The following MYT1L variants were observed in gnomAD, a reference collection of about 807,000 sequenced individuals.
The protein encoded by MYT1L is myelin transcription factor 1-like protein.
MYT1L carries 12 observed loss-of-function variants against 126.7 expected under a neutral mutation model. The ratio of observed to expected loss-of-function variants is 0.09; its 90% CI spans 0.06 to 0.15. The LOEUF (loss-of-function observed/expected upper bound fraction) is 0.15. Among genes scored for constraint, MYT1L ranks in the 10% least tolerant of loss-of-function variants. The pLI is 1.00. For synonymous variants in MYT1L, 541 were observed against 604.2 expected (o/e 0.90, Z 1.53); for missense variants, 979 against 1,585.2 (o/e 0.62, Z 6.49).
In MYT1L at chr2:1,990,441, C is replaced by G. The variant is rs1366027468; in HGVS notation, c.-1+6750G>C. 1.3e-5 allele frequency among the ~76,000 whole-genome samples: 2 copies of G among 152,184 alleles called. 1 individual carries two copies. Among genetic ancestry groups the G allele is most frequent in the Non-Finnish European group, 2.9e-5 (2 of 68,022 alleles). On this transcript the variant is annotated intron_variant, in intron 5 of 24. Coordinates refer to ENST00000647738, the MANE Select transcript of MYT1L (RefSeq NM_001303052.2). The stretch of plus-strand genomic sequence containing the variant: ...GGAAATCACGAGGAAGACAGATACT[C>G]AAGCACCAAGCTGTAACCCAAGACA...
At chr2:1,939,439 G>A (rs2149242168) in intron 9 of MYT1L, among the ~76,000 whole-genome samples, 1 of 152,300 alleles carries the variant, frequency 6.6e-6, no homozygotes, top group South Asian at 2.1e-4. Context: ...TGGAAGGGAG[G>A]ACAAAAGGAC....
intron 4 of MYT1L, among the ~76,000 whole-genome samples, chr2:2,001,237 C>CTTTTTTTTTTTTTTTTGT (rs11389323): frequency 9.6e-6 from 1 of 103,910 alleles, no homozygotes; most frequent in African/African-American, 3.8e-5. Context: ...TTGGTTTTAG[C>CTTTTTTTTTTTTTTTTGT]TTTTTTTTTT....
intron 22 of MYT1L, among the ~76,000 whole-genome samples, chr2:1,803,044 C>A (rs2035121927): frequency 6.6e-6 from 1 of 152,134 alleles, no homozygotes; most frequent in African/African-American, 2.4e-5. Flanking sequence ...CTGACATCAG[C>A]AGAACAGAGG....
intron 2 of MYT1L, among the ~76,000 whole-genome samples, chr2:2,225,129 C>T (rs1305753623): frequency 6.6e-6 from 1 of 151,244 alleles, no homozygotes; most frequent in East Asian, 1.9e-4. Context: ...TTCTCAGTCT[C>T]CTTGCCTCAA....
At chr2:1,978,471 G>A (rs1419968708) in intron 8 of MYT1L, among the ~76,000 whole-genome samples, 3 of 152,206 alleles carry the variant, frequency 2.0e-5, no homozygotes. Context: ...GGACTGATGT[G>A]TACCTGACAG....
intron 3 of MYT1L, among the ~76,000 whole-genome samples, chr2:2,135,592 T>C (rs950167912): frequency 6.6e-5 from 10 of 152,128 alleles, no homozygotes; most frequent in Non-Finnish European, 1.3e-4. Context: ...TGTTTGTTGA[T>C]AGAATATAGA....
intron 18 of MYT1L, among the ~76,000 whole-genome samples, chr2:1,881,288 C>T (rs1410644374): frequency 2.0e-5 from 3 of 151,956 alleles, no homozygotes; most frequent in Middle Eastern, 3.2e-3. Flanking sequence ...GCATTTCTGG[C>T]TCATCTTCCC....
chr2:2,064,932 T>G lies in MYT1L; in HGVS notation c.-303-10809A>C, dbSNP rs116416015. The stretch of plus-strand genomic sequence containing the variant: ...GTATGACCAGGTACAGTGACTCTTG[T>G]GCCTGCCTGAAATCCCAGCACTTTG... On this transcript the variant is annotated intron_variant, in intron 3 of 24. Transcript: ENST00000647738. Among the ~76,000 whole-genome samples, 573 of 152,312 alleles carry G rather than the reference T, an allele frequency of 3.8e-3. 5 individuals carry two copies. The highest frequency in any genetic ancestry group is 0.013 in the African/African-American group (538 of 41,556).
intron 8 of MYT1L, among the ~76,000 whole-genome samples, chr2:1,958,230 C>T (rs2058669416): frequency 6.6e-6 from 1 of 152,126 alleles, no homozygotes; most frequent in Non-Finnish European, 1.5e-5. Context: ...GCAGATGGAA[C>T]CCAGACAGCT....
intron 8 of MYT1L, among the ~76,000 whole-genome samples, chr2:1,956,237 T>TATCTATC: frequency 7.8e-6 from 1 of 128,920 alleles, no homozygotes; most frequent in African/African-American, 2.7e-5. Flanking sequence ...GTCTATCATC[T>TATCTATC]ATCTATCCTA....
At chr2:1,967,965 C>G (rs563886274) in intron 8 of MYT1L, among the ~76,000 whole-genome samples, 1 of 152,288 alleles carries the variant, frequency 6.6e-6, no homozygotes, top group East Asian at 1.9e-4. Flanking sequence ...CCCTGCACTG[C>G]TCCCTGCTCA....
rs762800968 is a variant in MYT1L at position 1,923,211 on chromosome 2, C to T, written c.558G>A (p.Lys186=). The T allele has an allele frequency of 2.5e-6, 4 of 1,612,070 alleles. No homozygotes were observed. The East Asian group carries it at 8.9e-5, about 36-fold the overall frequency. Residue 186 remains lysine, a synonymous_variant, in exon 10 of 25, where the codon AAG becomes AAA. Transcript: ENST00000647738. ...CATATTCGTCATTATTGTTATCATC[C>T]TTTTCTGTGTCTTGCATTATTCGAG... ...HNTRIMQDTE[K]DDNNNDEYDN...
chr2:2,218,020 A>G (rs1023753694), intron 2 of MYT1L, among the ~76,000 whole-genome samples: 2 of 152,216 alleles, frequency 1.3e-5, no homozygotes, highest in African/African-American at 4.8e-5. Flanking sequence ...CCACAACACG[A>G]TGTCCTACTA....
chr2:2,266,995 G>T (rs895376346), intron 2 of MYT1L, among the ~76,000 whole-genome samples: 8 of 152,212 alleles, frequency 5.3e-5, no homozygotes, highest in African/African-American at 1.7e-4. Flanking sequence ...AATACAGCCA[G>T]CAAGCTAAGG....
At chr2:2,205,763 G>A (rs2093289720) in intron 2 of MYT1L, among the ~76,000 whole-genome samples, 1 of 151,998 alleles carries the variant, frequency 6.6e-6, no homozygotes, top group African/African-American at 2.4e-5. Context: ...TATCCACCTA[G>A]GGTACATTTC....
chr2:2,111,809 G>T (rs78980377), intron 3 of MYT1L, among the ~76,000 whole-genome samples: 2,746 of 152,358 alleles, frequency 0.018, 46 homozygotes, highest in East Asian at 0.045. Context: ...TGCCTTGGGT[G>T]TTGAAAGTCG....
Position 2,137,513 on chromosome 2 carries a change from C to G in MYT1L, c.-304+35359G>C, listed in dbSNP as rs76371495. On this transcript the variant is annotated intron_variant, in intron 3 of 24. Transcript: ENST00000647738. ...AGAGATATAGATCAATGGAACAGAA[C>G]AGAGCCCTCAGAAATAATGCCACAT... 5.3e-5 allele frequency among the ~76,000 whole-genome samples: 8 copies of G among 152,084 alleles called. 1 individual carries two copies. The highest frequency in any genetic ancestry group is 1.9e-4 in the African/African-American group (8 of 41,408).
At chr2:2,281,830 A>T (rs1267653917) in intron 2 of MYT1L, among the ~76,000 whole-genome samples, 1 of 152,196 alleles carries the variant, frequency 6.6e-6, no homozygotes, top group Non-Finnish European at 1.5e-5. Context: ...CAAACCCTTG[A>T]CACAATCCAA....
chr2:1,897,574 T>G (rs1430870785), intron 14 of MYT1L, among the ~76,000 whole-genome samples: 1 of 152,152 alleles, frequency 6.6e-6, no homozygotes, highest in Non-Finnish European at 1.5e-5. Context: ...GTGATTCTCT[T>G]GCCTCAGCCT....
Sources: gnomAD v4.1 joint callset for allele counts (sites outside exome capture counted in the v4.1 genomes callset) on GRCh38, gnomAD v4.1.1 for gene constraint, MANE v1.5 for transcripts, NCBI Gene and HGNC (gene_info 2026-07-23, HGNC 2026-07-21) for gene names.